Variants in LPP observed in about 807,000 individuals in gnomAD.
The protein encoded by LPP is lipoma-preferred partner.
A neutral mutation model predicts 60.4 loss-of-function variants in LPP; 38 were observed. That is an observed-to-expected ratio of 0.63 (90% CI 0.49 to 0.83). The LOEUF (loss-of-function observed/expected upper bound fraction) is 0.83, where lower values mean the gene tolerates loss of function less well. LPP is among the 40% of genes least tolerant of loss of function. LPP has a pLI of 0.00. For missense variants in LPP, 902 were observed against 783.6 expected (o/e 1.15, Z -1.80); for synonymous variants, 328 against 290.8 (o/e 1.13, Z -1.30).
intron 6 of LPP, among the ~76,000 whole-genome samples, chr3:188,602,843 G>A (rs910075743): frequency 6.6e-6 from 1 of 151,468 alleles, no homozygotes; most frequent in Non-Finnish European, 1.5e-5. Context: ...TCTAAACAGT[G>A]GTAAAGCTGG....
At chr3:188,590,901 CA>C (rs1838559308) in intron 6 of LPP, among the ~76,000 whole-genome samples, 1 of 152,184 alleles carries the variant, frequency 6.6e-6, no homozygotes, top group South Asian at 2.1e-4. Context: ...TTCACAAAGG[CA>C]AATTGATGGT....
intron 6 of LPP, among the ~76,000 whole-genome samples, chr3:188,565,199 CA>C (rs1372781511): frequency 1.4e-4 from 21 of 152,036 alleles, no homozygotes; most frequent in African/African-American, 4.3e-4. Context: ...AAAACTGTGG[CA>C]ATGTAGTTAT....
chr3:188,467,577 A>G (rs1256471957), intron 4 of LPP, among the ~76,000 whole-genome samples: 2 of 152,178 alleles, frequency 1.3e-5, no homozygotes, highest in African/African-American at 4.8e-5. Context: ...ACATGGAACT[A>G]AGGTTGTTAA....
intron 7 of LPP, among the ~76,000 whole-genome samples, chr3:188,696,139 G>A (rs1394462859): frequency 6.6e-6 from 1 of 152,024 alleles, no homozygotes; most frequent in Non-Finnish European, 1.5e-5. Context: ...TAATCCCATG[G>A]TTGATAGAGT....
intron 2 of LPP, among the ~76,000 whole-genome samples, chr3:188,248,468 T>TATATATATATATATATATA (rs1727806042): frequency 1.2e-5 from 1 of 84,142 alleles, no homozygotes; most frequent in African/African-American, 5.3e-5. Flanking sequence ...CAGTATAACT[T>TATATATATATATATATATA]TATATATATA....
chr3:188,308,592 C>T (rs184146593), intron 2 of LPP, among the ~76,000 whole-genome samples: 34 of 152,272 alleles, frequency 2.2e-4, no homozygotes, highest in African/African-American at 7.5e-4. Flanking sequence ...ACAGTGGTGC[C>T]ATCAAGTATG....
chr3:188,544,092 G>A (rs1825909913), intron 6 of LPP, among the ~76,000 whole-genome samples: 1 of 152,150 alleles, frequency 6.6e-6, no homozygotes, highest in Admixed American at 6.6e-5. Flanking sequence ...GGTTTAGGAG[G>A]TCTTTTGATC....
intron 3 of LPP, among the ~76,000 whole-genome samples, chr3:188,374,160 CT>C (rs1774198352): frequency 1.3e-5 from 2 of 152,106 alleles, no homozygotes; most frequent in Admixed American, 1.3e-4. Flanking sequence ...TGGCTTTGTT[CT>C]TTTGGCTTAG....
At position 188,635,508 on chromosome 3, in the gene LPP, T is replaced by C. The variant is rs537713139; in HGVS notation, c.1113+25664T>C. On this transcript the variant is annotated intron_variant, in intron 7 of 11. Transcript: ENST00000617246. Reference sequence around the variant, plus strand: ...TGCTCAGACAAGGCGTTCCGAACCATGTGAGAAATGAACGTGTGTGTGCAA... The same window carrying C: ...TGCTCAGACAAGGCGTTCCGAACCACGTGAGAAATGAACGTGTGTGTGCAA... 7.2e-5 allele frequency among the ~76,000 whole-genome samples: 11 copies of C among 152,282 alleles called. 1 individual carries two copies. The South Asian group carries it at 2.3e-3, about 32-fold the overall frequency.
At chr3:188,377,356 A>G (rs1775455520) in intron 3 of LPP, among the ~76,000 whole-genome samples, 1 of 152,158 alleles carries the variant, frequency 6.6e-6, no homozygotes. Flanking sequence ...TCAGACGTAG[A>G]TTTGGTCCTT....
intron 8 of LPP, among the ~76,000 whole-genome samples, chr3:188,737,203 T>G (rs1005340063): frequency 6.6e-6 from 1 of 152,188 alleles, no homozygotes; most frequent in Non-Finnish European, 1.5e-5. Flanking sequence ...TATATAGAAC[T>G]AATTAGCCAA....
intron 1 of LPP, among the ~76,000 whole-genome samples, chr3:188,210,220 T>C (rs754041389): frequency 1.4e-4 from 22 of 152,202 alleles, no homozygotes; most frequent in Non-Finnish European, 2.6e-4. Flanking sequence ...TCATTTTATA[T>C]AAAAGACTTG....
In LPP at chr3:188,842,689, T is replaced by A. The variant is rs1036180797; in HGVS notation, c.1411-23511T>A. ...TATTTATTTCTATTTTATATATTCA[T>A]ATAACAATATATTTATTCATAATAT... On this transcript the variant is annotated intron_variant, in intron 9 of 11. Transcript: ENST00000617246. Among the ~76,000 whole-genome samples the A allele has an allele frequency of 3.3e-5, 5 of 152,068 alleles. No individual in the cohort carries two copies. In the East Asian group the frequency reaches 9.6e-4, roughly 29 times the overall value.
At chr3:188,688,665 A>G (rs1861401450) in intron 7 of LPP, 2 of 418,952 alleles carry the variant, frequency 4.8e-6, no homozygotes, top group Non-Finnish European at 9.5e-6. Flanking sequence ...TTAGGTTTGT[A>G]TTTTATGAAG....
At chr3:188,599,748 A>AGG (rs200431656) in intron 6 of LPP, among the ~76,000 whole-genome samples, 1,039 of 38,358 alleles carry the variant, frequency 0.027, 37 homozygotes, top group Admixed American at 0.19. Context: ...GGGACTCGTT[A>AGG]GGGGTGTGTG....
Position 188,790,789 on chromosome 3 carries a change from C to G in LPP, c.1410+30507C>G, listed in dbSNP as rs571058016. Among the ~76,000 whole-genome samples the G allele has an allele frequency of 1.3e-4, 19 of 149,744 alleles. 1 individual carries two copies. The East Asian group carries it at 3.8e-3, about 30-fold the overall frequency. On this transcript the variant is annotated intron_variant, in intron 9 of 11. Coordinates refer to ENST00000617246, the MANE Select transcript of LPP (RefSeq NM_001375462.1). Reference sequence around the variant, plus strand: ...TGAGCCAAGATCATGCCACTGCACTCCAGCCTGGGCGACAGAGTGAGACTC... The same window carrying G: ...TGAGCCAAGATCATGCCACTGCACTGCAGCCTGGGCGACAGAGTGAGACTC...
intron 9 of LPP, among the ~76,000 whole-genome samples, chr3:188,815,658 T>C (rs1752269774): frequency 6.6e-6 from 1 of 152,182 alleles, no homozygotes; most frequent in African/African-American, 2.4e-5. Context: ...TTGGTTTAGA[T>C]TTTCTGTTGT....
At chr3:188,753,658 T>C (rs2150356038) in intron 8 of LPP, among the ~76,000 whole-genome samples, 1 of 151,938 alleles carries the variant, frequency 6.6e-6, no homozygotes, top group Admixed American at 6.6e-5. Context: ...ATTTCTCTTT[T>C]TGGACTAAGA....
intron 9 of LPP, among the ~76,000 whole-genome samples, chr3:188,794,694 G>A (rs985184694): frequency 2.0e-5 from 3 of 152,090 alleles, no homozygotes; most frequent in Non-Finnish European, 4.4e-5. Context: ...CCTCACTAAG[G>A]AAGGTCTTTG....
Sources: allele counts gnomAD v4.1 joint callset (sites outside exome capture counted in the v4.1 genomes callset), GRCh38; gene constraint gnomAD v4.1.1; transcripts MANE v1.5; gene names NCBI Gene and HGNC (gene_info 2026-07-23, HGNC 2026-07-21).